AFG2A: variants seen among roughly 807,000 people sequenced by gnomAD.
AFG2A encodes the protein ATPase family gene 2 protein homolog A.
At chr4:122,932,483 A>G in the AFG2A span, among the ~76,000 whole-genome samples, 1 of 151,974 alleles carries the variant, frequency 6.6e-6, no homozygotes, top group Non-Finnish European at 1.5e-5. Context: ...ATGAGCCACC[A>G]TGCTCAGTTC....
chr4:122,925,323 A>C, the AFG2A span, among the ~76,000 whole-genome samples: 1 of 152,084 alleles, frequency 6.6e-6, no homozygotes, highest in Non-Finnish European at 1.5e-5. Flanking sequence ...TTTGCCCCTT[A>C]TTCCTTTTCC....
At chr4:123,187,602 A>G in the AFG2A span, among the ~76,000 whole-genome samples, 160 of 152,310 alleles carry the variant, frequency 1.1e-3, 1 homozygote, top group South Asian at 0.032. Flanking sequence ...CTGATTAGAC[A>G]TAATTGTATC....
At chr4:123,090,378 G>A in the AFG2A span, among the ~76,000 whole-genome samples, 2 of 152,170 alleles carry the variant, frequency 1.3e-5, no homozygotes, top group Non-Finnish European at 2.9e-5. Flanking sequence ...GAACATGGTT[G>A]ATGATAGAGG....
the AFG2A span, among the ~76,000 whole-genome samples, chr4:123,158,033 A>G: frequency 6.6e-6 from 1 of 152,100 alleles, no homozygotes; most frequent in Non-Finnish European, 1.5e-5. Flanking sequence ...AAATACACAC[A>G]CACACACCCA....
chr4:123,276,477 T>G, the AFG2A span, among the ~76,000 whole-genome samples: 1 of 152,316 alleles, frequency 6.6e-6, no homozygotes, highest in Non-Finnish European at 1.5e-5. Context: ...CAAAAGCTCT[T>G]TAGTTTAATT....
chr4:123,003,212 T>C, the AFG2A span, among the ~76,000 whole-genome samples: 92 of 152,280 alleles, frequency 6.0e-4, 1 homozygote, highest in African/African-American at 2.1e-3. Flanking sequence ...TCGTCTAAAG[T>C]TTTTTCAAAG....
chr4:123,205,236 G>A, the AFG2A span, among the ~76,000 whole-genome samples: 2 of 152,022 alleles, frequency 1.3e-5, no homozygotes, highest in Non-Finnish European at 2.9e-5. Flanking sequence ...TGGTATATAA[G>A]TAGTATAGTT....
At chr4:123,157,332 C>G in the AFG2A span, among the ~76,000 whole-genome samples, 2 of 151,938 alleles carry the variant, frequency 1.3e-5, no homozygotes, top group Non-Finnish European at 2.9e-5. Flanking sequence ...CCTCTACAAG[C>G]TTTTATTCAT....
chr4:123,226,259 G>A, the AFG2A span, among the ~76,000 whole-genome samples: 17 of 152,292 alleles, frequency 1.1e-4, no homozygotes, highest in East Asian at 3.1e-3. Flanking sequence ...TTGAATAGGA[G>A]TGGTGACAGA....
chr4:123,102,294 A>AG, the AFG2A span: 8 of 50,586 alleles, frequency 1.6e-4, no homozygotes, highest in East Asian at 6.8e-4. Context: ...TGTGATTTTC[A>AG]GAAAAAAAAA....
chr4:123,003,578 C>G, the AFG2A span, among the ~76,000 whole-genome samples: 1 of 152,128 alleles, frequency 6.6e-6, no homozygotes. Flanking sequence ...CACTCCAGAC[C>G]CTGTTTGCCT....
chr4:123,032,669 C>A, the AFG2A span, among the ~76,000 whole-genome samples: 1 of 152,228 alleles, frequency 6.6e-6, no homozygotes, highest in African/African-American at 2.4e-5. Flanking sequence ...CCGCCTTGGC[C>A]TCCCAAAGTG....
At chr4:123,118,951 A>G in the AFG2A span, among the ~76,000 whole-genome samples, 3 of 152,090 alleles carry the variant, frequency 2.0e-5, no homozygotes, top group African/African-American at 4.8e-5. Flanking sequence ...GAGCTCTGTA[A>G]TACCTCTTTT....
chr4:123,007,614 A>C, the AFG2A span, among the ~76,000 whole-genome samples: 1 of 41,688 alleles, frequency 2.4e-5, no homozygotes, highest in African/African-American at 9.5e-5. Context: ...GTGTGTATAT[A>C]TATATATATA....
chr4:123,266,093 T>C, the AFG2A span, among the ~76,000 whole-genome samples: 3 of 152,020 alleles, frequency 2.0e-5, no homozygotes, highest in African/African-American at 7.2e-5. Context: ...TTTTGTTTGG[T>C]TATTTGAAGT....
the AFG2A span, among the ~76,000 whole-genome samples, chr4:123,020,842 T>A: frequency 6.6e-6 from 1 of 152,328 alleles, no homozygotes; most frequent in Non-Finnish European, 1.5e-5. Context: ...AGAAGAAATC[T>A]TTTTGTATTT....
chr4:122,993,918 A>C, the AFG2A span, among the ~76,000 whole-genome samples: 3 of 152,128 alleles, frequency 2.0e-5, no homozygotes, highest in African/African-American at 7.2e-5. Context: ...TGGATTTTAC[A>C]GTACATGACA....
the AFG2A span, among the ~76,000 whole-genome samples, chr4:123,077,903 A>G: frequency 6.6e-6 from 1 of 152,206 alleles, no homozygotes; most frequent in Non-Finnish European, 1.5e-5. Context: ...CCATCACCCC[A>G]GTTAGTGCCT....
At chr4:123,002,051 T>A in the AFG2A span, among the ~76,000 whole-genome samples, 1 of 152,180 alleles carries the variant, frequency 6.6e-6, no homozygotes, top group Non-Finnish European at 1.5e-5. Context: ...CCCTTTACCA[T>A]TATGTAATGG....
Sources: allele counts gnomAD v4.1 joint callset (sites outside exome capture counted in the v4.1 genomes callset), GRCh38; gene constraint gnomAD v4.1.1; transcripts MANE v1.5; gene names NCBI Gene and HGNC (gene_info 2026-07-23, HGNC 2026-07-21).